Variants in IRF1 observed in about 807,000 individuals in gnomAD.
IRF1 encodes interferon regulatory factor 1.
In IRF1, 13 loss-of-function variants were observed where a neutral mutation model predicts 43.7. The ratio of observed to expected loss-of-function variants is 0.30; its 90% CI spans 0.19 to 0.47. The LOEUF is 0.47. IRF1 is among the 20% of genes least tolerant of loss of function. The pLI, the probability that IRF1 is intolerant of heterozygous loss-of-function variation, is 0.99. For synonymous variants in IRF1, 138 were observed against 146.8 expected, an observed-to-expected ratio of 0.94 and a Z score of 0.43; for missense variants, 236 against 408.9, an observed-to-expected ratio of 0.58 and a Z score of 3.65.
chr5:132,486,277 A>C lies in IRF1; in HGVS notation c.641T>G (p.Val214Gly). ...TTCAGAGGTGGAGGGCATGGGTGACACCTGGAAGTTGTACAGATCACTGGT... is the reference window on the plus strand; with the variant it reads ...TTCAGAGGTGGAGGGCATGGGTGACCCCTGGAAGTTGTACAGATCACTGGT... Reference protein sequence around the residue: ...DSTSDLYNFQVSPMPSTSEAT... With the variant: ...DSTSDLYNFQGSPMPSTSEAT... The change falls in exon 7 of 10, where the codon GTG becomes GGG. Residue 214 changes from valine to glycine, a missense_variant. Physicochemically the swap from Val to Gly is moderately radical, Grantham distance 109. Coordinates refer to ENST00000245414, the MANE Select transcript of IRF1 (RefSeq NM_002198.3). 1.2e-6 allele frequency: 2 copies of C among 1,613,526 alleles called. No homozygotes were observed. Among genetic ancestry groups the C allele is most frequent in the Non-Finnish European group, 1.7e-6 (2 of 1,179,992 alleles).
rs2070727 is a variant in IRF1 at position 132,484,583 on chromosome 5, C to A, written c.718-86G>T. 0.34 allele frequency: 533,929 copies of A among 1,548,172 alleles called. 93,407 individuals are homozygous for A. Among genetic ancestry groups the A allele is most frequent in the African/African-American group, 0.49 (36,042 of 73,678 alleles). ...CTGCCCTCAATGAGCCAGCTCCTCT[C>A]AGCCAGTATCACACCCTTGGCCATT... On this transcript the variant is annotated intron_variant, in intron 8 of 9. Coordinates refer to ENST00000245414, the MANE Select transcript of IRF1 (RefSeq NM_002198.3).
chr5:132,486,002 C>T, intron 7 of IRF1: 2 of 604,750 alleles, frequency 3.3e-6, no homozygotes, highest in Non-Finnish European at 5.9e-6. Flanking sequence ...GGAAGGAGAA[C>T]CAGCACCCCA....
At chr5:132,489,610 G>T in intron 1 of IRF1, 127 bp from the exon 2 acceptor site, 1 of 666,724 alleles carries the variant, frequency 1.5e-6, no homozygotes, top group Non-Finnish European at 2.7e-6. Flanking sequence ...ACTACACTCA[G>T]TGCGGAGGGG....
Position 132,484,354 on chromosome 5 carries a change from C to T in IRF1, c.853+8G>A, listed in dbSNP as rs550278693. 3 of 1,613,888 alleles carry T rather than the reference C, an allele frequency of 1.9e-6. No homozygotes were observed. In the South Asian group the frequency reaches 3.3e-5, roughly 18 times the overall value. ...CTAAGAAGCCATAAGGATCCAGGGC[C>T]TTCTTACCCCCTGGGCTGTCAATTT... On this transcript the variant is annotated splice_region_variant and intron_variant, in intron 9 of 9. Transcript: ENST00000245414.
intron 8 of IRF1, chr5:132,485,347 G>A (rs761984052): frequency 2.8e-5 from 9 of 326,834 alleles, no homozygotes; most frequent in South Asian, 1.2e-4. Context: ...TGCATTTCCC[G>A]AACTAGCAGG....
intron 1 of IRF1, chr5:132,489,876 G>A (rs928966524): frequency 1.9e-4 from 39 of 206,868 alleles, no homozygotes; most frequent in Non-Finnish European, 2.1e-5. Flanking sequence ...CCCTTGACTT[G>A]AGTTGTAACC....
At position 132,486,540 on chromosome 5, in the gene IRF1, G is replaced by C. The variant is rs1754533168; in HGVS notation, c.544+17C>G. On this transcript the variant is annotated intron_variant, in intron 6 of 9. Transcript: ENST00000245414. Reference sequence around the variant, plus strand: ...CACTGACCTGTGGGGTCTCCTGCCAGACCTGGACCAGCTCACCTGGAGTCA... The same window carrying C: ...CACTGACCTGTGGGGTCTCCTGCCACACCTGGACCAGCTCACCTGGAGTCA... 6.2e-7 allele frequency: 1 copy of C among 1,613,730 alleles called. No homozygotes were observed. The highest frequency in any genetic ancestry group is 1.1e-5 in the South Asian group (1 of 91,020).
chr5:132,486,168 T>G, intron 7 of IRF1, 83 bp downstream of exon 7: 1 of 1,555,514 alleles, frequency 6.4e-7, no homozygotes. Context: ...CCAGGTGGAG[T>G]TCTGATCATC....
In IRF1 at chr5:132,486,619, TGGTCATCA is replaced by T. The variant is rs780734470; in HGVS notation, c.474_481del (p.Asp159GlnfsTer47). The T allele has an allele frequency of 6.2e-7, 1 of 1,614,144 alleles. No individual in the cohort carries two copies. The highest frequency in any genetic ancestry group is 1.3e-5 in the African/African-American group (1 of 75,030). On this transcript the variant is annotated frameshift_variant, in exon 6 of 10. Coordinates refer to ENST00000245414, the MANE Select transcript of IRF1 (RefSeq NM_002198.3). LOFTEE classifies it high-confidence loss of function. Reference sequence around the variant, plus strand: ...GTAGCCTGGAACTGTGTAGCTGCTGTGGTCATCAGGCAGAGTGGAGCTGCTGAGTCCAT... The same window carrying T: ...GTAGCCTGGAACTGTGTAGCTGCTGTGGCAGAGTGGAGCTGCTGAGTCCAT...
intron 8 of IRF1, 42 bp from the exon 9 acceptor site, chr5:132,484,539 G>A (rs1754468687): frequency 6.2e-7 from 1 of 1,611,940 alleles, no homozygotes. Flanking sequence ...CCCTTCCAGT[G>A]CAGACTCACC....
chr5:132,485,259 G>T (rs1014453515), intron 8 of IRF1: 3 of 169,554 alleles, frequency 1.8e-5, no homozygotes. Flanking sequence ...AAAAAACCTG[G>T]AGGATAATTT....
chr5:132,485,629 G>A lies in IRF1; in HGVS notation c.717+38C>T, dbSNP rs749303285. Reference sequence around the variant, plus strand: ...TGGTTCTCTCTCCTCACTGAGAAACGGTCACTTCAAGAGTGCCCAGGTAGG... The same window carrying A: ...TGGTTCTCTCTCCTCACTGAGAAACAGTCACTTCAAGAGTGCCCAGGTAGG... On this transcript the variant is annotated intron_variant, in intron 8 of 9. Coordinates refer to ENST00000245414, the MANE Select transcript of IRF1 (RefSeq NM_002198.3). The A allele has an allele frequency of 1.3e-5, 19 of 1,512,438 alleles. No homozygotes were observed. In the South Asian group the frequency reaches 1.3e-4, roughly 11 times the overall value. 93.7% of individuals were successfully genotyped at this position (1,512,438 alleles called of 1,614,324 possible). A position where few individuals can be genotyped will look rare whatever the true frequency, so the allele number is the denominator to read the frequency against.
rs1311709717 is a variant in IRF1 at position 132,481,685 on chromosome 5, A to G, written c.*2266T>C. On this transcript the variant is annotated 3_prime_UTR_variant, in exon 10 of 10. Transcript: ENST00000245414. ...TGCACTGGCCACATTTCAAGTGCTT[A>G]GCTGGCACATGTGGCTAGTGCCAGT... The G allele has an allele frequency of 6.6e-6, 1 of 152,420 alleles. No individual in the cohort carries two copies. The highest frequency in any genetic ancestry group is 1.9e-4 in the East Asian group (1 of 5,196). The allele number at this position is 152,420 out of a possible 1,614,324, so 9.4% of individuals were successfully genotyped here.
chr5:132,489,146 A>G (rs1165199379), intron 2 of IRF1: 3 of 447,404 alleles, frequency 6.7e-6, no homozygotes, highest in Non-Finnish European at 1.3e-5. Flanking sequence ...GATGCTGGAA[A>G]GTCTTGCTGC....
chr5:132,488,050 A>G, intron 2 of IRF1, 25 bp from the exon 3 acceptor site: 1 of 1,521,830 alleles, frequency 6.6e-7, no homozygotes, highest in African/African-American at 1.4e-5. Flanking sequence ...CATACACATA[A>G]GGCTGTGTCA....
intron 9 of IRF1, 44 bp from the exon 10 acceptor site, chr5:132,484,119 C>T: frequency 6.2e-7 from 1 of 1,606,316 alleles, no homozygotes; most frequent in South Asian, 1.1e-5. Flanking sequence ...GGGACGGTGG[C>T]ATCAGGTGTG....
At chr5:132,486,110 C>T in intron 7 of IRF1, 141 bp downstream of exon 7, 1 of 1,179,806 alleles carries the variant, frequency 8.5e-7, no homozygotes, top group Non-Finnish European at 1.2e-6. Flanking sequence ...GCTTGCCTCC[C>T]CCTATGGTGG....
At chr5:132,488,127 A>G (rs1754590749) in intron 2 of IRF1, 102 bp from the exon 3 acceptor site, 1 of 864,154 alleles carries the variant, frequency 1.2e-6, no homozygotes, top group South Asian at 1.4e-5. Context: ...CAGGTCTGAG[A>G]AAAGGCTGAC....
rs1206737227 is a variant in IRF1, at chr5:132,482,573, C to T, written c.*1378G>A. The stretch of plus-strand genomic sequence containing the variant: ...TTCACCATGTTGGCCAGGCTGGTCT[C>T]AAACTCCTGACCTCAGGTGATCTGC... On this transcript the variant is annotated 3_prime_UTR_variant, in exon 10 of 10. Transcript: ENST00000245414. 2 of 150,850 alleles carry T rather than the reference C, an allele frequency of 1.3e-5. No homozygotes were observed. The highest frequency in any genetic ancestry group is 2.9e-5 in the Non-Finnish European group (2 of 67,808). The allele number at this position is 150,850 out of a possible 1,614,324, so 9.3% of individuals were successfully genotyped here.
Sources: allele counts gnomAD v4.1 joint callset, GRCh38; gene constraint gnomAD v4.1.1; transcripts MANE v1.5; gene names NCBI Gene and HGNC (gene_info 2026-07-23, HGNC 2026-07-21).